Variants in CHTF8 observed in about 807,000 individuals in gnomAD.
CHTF8 encodes the protein chromosome transmission fidelity factor 8.
A neutral mutation model predicts 11.0 loss-of-function variants in CHTF8; 6 were observed. The ratio of observed to expected loss-of-function variants is 0.55; its 90% CI spans 0.30 to 1.08. The LOEUF (loss-of-function observed/expected upper bound fraction) is 1.08, where lower values mean the gene tolerates loss of function less well. CHTF8 is among the 50% of genes least tolerant of loss of function. The pLI is 0.07. For synonymous variants in CHTF8, 53 were observed against 60.5 expected (o/e 0.88, Z 0.57); for missense variants, 140 against 153.1 (o/e 0.91, Z 0.45).
chr16:69,122,146 T>C (rs1296471237), intron 1 of CHTF8, among the ~76,000 whole-genome samples: 1 of 152,188 alleles, frequency 6.6e-6, no homozygotes, highest in Non-Finnish European at 1.5e-5. Context: ...TTAGACACAT[T>C]TTATCTTGTT....
intron 1 of CHTF8, among the ~76,000 whole-genome samples, chr16:69,131,685 C>T (rs529975098): frequency 2.7e-5 from 4 of 150,796 alleles, no homozygotes; most frequent in Admixed American, 1.3e-4. Context: ...TTTAAACCGC[C>T]TTCCTCCACA....
At chr16:69,130,636 T>C (rs1422307701) in intron 1 of CHTF8, among the ~76,000 whole-genome samples, 1 of 152,226 alleles carries the variant, frequency 6.6e-6, no homozygotes, top group African/African-American at 2.4e-5. Context: ...TGAAAGGCTG[T>C]TGCAAGAACG....
chr16:69,119,576 A>G lies in CHTF8; in HGVS notation c.*849T>C, dbSNP rs574628003. The G allele has an allele frequency of 2.8e-5, 20 of 702,532 alleles. No homozygotes were observed. Among genetic ancestry groups the G allele is most frequent in the South Asian group, 2.4e-4 (16 of 67,594 alleles). 43.5% of individuals were successfully genotyped at this position (702,532 alleles called of 1,614,324 possible). On this transcript the variant is annotated 3_prime_UTR_variant, in exon 4 of 4. Transcript: ENST00000448552. The stretch of plus-strand genomic sequence containing the variant: ...GAGAAAGAAGCTGAATTTGCTCCTA[A>G]AAGACCTGCTGCTCTTAGAATGGGG...
At chr16:69,131,348 T>G (rs1457890078) in intron 1 of CHTF8, 1 of 152,168 alleles carries the variant, frequency 6.6e-6, no homozygotes, top group Non-Finnish European at 1.5e-5. Context: ...TCTGAGTTAC[T>G]GCAGTTTTCT....
Position 69,118,435 on chromosome 16 carries a change from C to CCAA in CHTF8, c.*1987_*1989dup. ...GAGCTACGGAAGCATGGTCCGTTCA[C>CCAA]CAACGCCACGTTTCTAGAGAGCAGT... On this transcript the variant is annotated 3_prime_UTR_variant, in exon 4 of 4. Coordinates refer to ENST00000448552, the MANE Select transcript of CHTF8 (RefSeq NM_001039690.5). 6.2e-7 allele frequency: 1 copy of CCAA among 1,611,364 alleles called. No individual in the cohort carries two copies. Among genetic ancestry groups the CCAA allele is most frequent in the East Asian group, 2.2e-5 (1 of 44,866 alleles).
chr16:69,120,364 G>T lies in CHTF8; in HGVS notation c.*61C>A. Reference sequence around the variant, plus strand: ...CAGGGAACCGTCGAGCCGTCCTCGAGGTGGCAGCGGAGCACGAGTCCAAGG... The same window carrying T: ...CAGGGAACCGTCGAGCCGTCCTCGATGTGGCAGCGGAGCACGAGTCCAAGG... On this transcript the variant is annotated 3_prime_UTR_variant, in exon 4 of 4. Transcript: ENST00000448552. The surrounding 1 kb of genome is among the most constrained non-coding windows in gnomAD (Gnocchi z 4.0). 6.5e-7 allele frequency: 1 copy of T among 1,537,368 alleles called. No homozygotes were observed. Among genetic ancestry groups the T allele is most frequent in the Non-Finnish European group, 9.0e-7 (1 of 1,110,470 alleles).
chr16:69,126,039 CA>C (rs1962036760), intron 1 of CHTF8, among the ~76,000 whole-genome samples: 1 of 151,810 alleles, frequency 6.6e-6, no homozygotes, highest in African/African-American at 2.4e-5. Flanking sequence ...AGCCACGAAT[CA>C]AAAAAAGGCT....
intron 3 of CHTF8, 49 bp downstream of exon 3, chr16:69,121,004 G>A (rs1961610695): frequency 8.0e-6 from 12 of 1,508,334 alleles, no homozygotes; most frequent in South Asian, 1.1e-5. Context: ...CCACCTTGGT[G>A]TAGCTTGCTT....
rs559100185 is a variant in CHTF8, at chr16:69,128,804, G to A, written c.-36+3680C>T. The stretch of plus-strand genomic sequence containing the variant: ...AAACCCGCCAGGCACGGTGGCTCAC[G>A]TCTATAATCCCAGCACTTTGGGAGC... On this transcript the variant is annotated intron_variant, in intron 1 of 3. Transcript: ENST00000448552. Among the ~76,000 whole-genome samples the A allele has an allele frequency of 1.6e-4, 24 of 152,154 alleles. 1 individual carries two copies. The Middle Eastern group carries it at 0.01, about 65-fold the overall frequency.
chr16:69,129,222 A>G (rs1326978514), intron 1 of CHTF8, among the ~76,000 whole-genome samples: 2 of 152,034 alleles, frequency 1.3e-5, no homozygotes. Context: ...CGAGGTCAGG[A>G]GATCGAGATC....
In CHTF8 at chr16:69,118,266, G is replaced by A. The variant is rs921836286; in HGVS notation, c.*2159C>T. 3.2e-5 allele frequency: 26 copies of A among 819,354 alleles called. No individual in the cohort carries two copies. In the African/African-American group the frequency reaches 3.7e-4, roughly 12 times the overall value. 50.8% of individuals were successfully genotyped at this position (819,354 alleles called of 1,614,324 possible). On this transcript the variant is annotated 3_prime_UTR_variant, in exon 4 of 4. Coordinates refer to ENST00000448552, the MANE Select transcript of CHTF8 (RefSeq NM_001039690.5). ...GGCCACCTCTAAGTCCCAGGAGAAG[G>A]GAGCTGCAGGCCCAGTCAGTCAAGC...
chr16:69,120,433 T>G lies in CHTF8; in HGVS notation c.358A>C (p.Lys120Gln). 3.7e-6 allele frequency: 6 copies of G among 1,614,090 alleles called. No homozygotes were observed. Among genetic ancestry groups the G allele is most frequent in the Non-Finnish European group, 5.1e-6 (6 of 1,179,994 alleles). ...GAAAATCCGAGGTTCTTTCATACTT[T>G]CTTGGGGACGCTGGTGATAATGGGC... ...PKPIITSVPK[K>Q]V is the part of the protein sequence containing the mutation. Residue 120 changes from lysine (K) to glutamine (Q), a missense_variant, in exon 4 of 4, where the codon AAA (lysine) becomes CAA (glutamine). Lys to Gln is a moderately conservative substitution (Grantham distance 53, BLOSUM62 1). Transcript: ENST00000448552. This position sits in a 1 kb window ranked among gnomAD's most constrained non-coding sequence, Gnocchi z 4.0.
intron 1 of CHTF8, among the ~76,000 whole-genome samples, chr16:69,128,019 A>G (rs1160119635): frequency 6.6e-6 from 1 of 151,904 alleles, no homozygotes; most frequent in African/African-American, 2.4e-5. Flanking sequence ...GGATCAGGGG[A>G]TTCTCCTGCC....
chr16:69,122,967 C>T (rs1961793169), intron 1 of CHTF8, among the ~76,000 whole-genome samples: 1 of 152,218 alleles, frequency 6.6e-6, no homozygotes, highest in African/African-American at 2.4e-5. Flanking sequence ...GCATTAGCCA[C>T]CACACCCGGC....
Position 69,118,468 on chromosome 16 carries a change from T to C in CHTF8, c.*1957A>G. On this transcript the variant is annotated 3_prime_UTR_variant, in exon 4 of 4. Transcript: ENST00000448552. ...ACGTTTCTAGAGAGCAGTGAGCTGATTCTCCAATGGTGAGCAGGGGACTAC... is the reference window on the plus strand; with the variant it reads ...ACGTTTCTAGAGAGCAGTGAGCTGACTCTCCAATGGTGAGCAGGGGACTAC... 2 of 1,550,302 alleles carry C rather than the reference T, an allele frequency of 1.3e-6. No homozygotes were observed. The highest frequency in any genetic ancestry group is 1.1e-5 in the South Asian group (1 of 89,870).
In CHTF8 at chr16:69,129,227, G is replaced by A. The variant is rs924573185; in HGVS notation, c.-36+3257C>T. 4.7e-4 allele frequency among the ~76,000 whole-genome samples: 72 copies of A among 151,896 alleles called. 1 individual carries two copies. Among genetic ancestry groups the A allele is most frequent in the African/African-American group, 1.6e-3 (67 of 41,354 alleles). Reference sequence around the variant, plus strand: ...GGGCAGATCACGAGGTCAGGAGATCGAGATCATCCTGGATAACACAGTGAA... The same window carrying A: ...GGGCAGATCACGAGGTCAGGAGATCAAGATCATCCTGGATAACACAGTGAA... On this transcript the variant is annotated intron_variant, in intron 1 of 3. Transcript: ENST00000448552.
intron 1 of CHTF8, among the ~76,000 whole-genome samples, chr16:69,125,250 T>C (rs1194823033): frequency 1.3e-5 from 2 of 152,118 alleles, no homozygotes; most frequent in Non-Finnish European, 2.9e-5. Flanking sequence ...AGCTAACATG[T>C]TTTGAATTTT....
intron 1 of CHTF8, among the ~76,000 whole-genome samples, chr16:69,123,304 G>T (rs894771696): frequency 6.6e-6 from 1 of 152,100 alleles, no homozygotes; most frequent in Non-Finnish European, 1.5e-5. Flanking sequence ...CTTTGGTAAT[G>T]ATGTAAGCTT....
chr16:69,119,420 C>A lies in CHTF8; in HGVS notation c.*1005G>T. ...GAATTAGGGCCTATGGGGCCAGGAG[C>A]CCTTGACATGGGAGATGGATTTGGC... On this transcript the variant is annotated 3_prime_UTR_variant, in exon 4 of 4. Transcript: ENST00000448552. 1.4e-6 allele frequency: 1 copy of A among 702,994 alleles called. No individual in the cohort carries two copies. Among genetic ancestry groups the A allele is most frequent in the South Asian group, 1.5e-5 (1 of 67,604 alleles). The allele number at this position is 702,994 out of a possible 1,614,324, so 43.5% of individuals were successfully genotyped here. A position where few individuals can be genotyped will look rare whatever the true frequency, so the allele number is the denominator to read the frequency against.
Sources: gnomAD v4.1 joint callset for allele counts (sites outside exome capture counted in the v4.1 genomes callset) on GRCh38, gnomAD v4.1.1 for gene constraint, Gnocchi (gnomAD v3.1) non-coding constraint, MANE v1.5 for transcripts, NCBI Gene and HGNC (gene_info 2026-07-23, HGNC 2026-07-21) for gene names.